EPHA8: variants seen among roughly 807,000 people sequenced by gnomAD.
EPHA8 encodes EPH receptor A8.
EPHA8 carries 58 observed loss-of-function variants against 103.6 expected under a neutral mutation model. The ratio of observed to expected loss-of-function variants is 0.56; its 90% CI spans 0.45 to 0.70. The LOEUF (loss-of-function observed/expected upper bound fraction) is 0.70, where lower values mean the gene tolerates loss of function less well. Among genes scored for constraint, EPHA8 ranks in the 30% least tolerant of loss-of-function variants. The probability of loss-of-function intolerance (pLI) is 0.00; values close to 1 mark genes in which losing one functional copy is unlikely to be tolerated. For missense variants in EPHA8, 1,304 were observed against 1,395.2 expected, an observed-to-expected ratio of 0.93 and a Z score of 1.04; for synonymous variants, 559 against 572.5, an observed-to-expected ratio of 0.98 and a Z score of 0.34.
In EPHA8 at chr1:22,569,463, C is replaced by A; in HGVS notation, c.159+110C>A. 8.3e-7 allele frequency: 1 copy of A among 1,200,360 alleles called. No homozygotes were observed. Among genetic ancestry groups the A allele is most frequent in the South Asian group, 1.5e-5 (1 of 67,030 alleles). 74.4% of individuals were successfully genotyped at this position (1,200,360 alleles called of 1,614,324 possible). A position where few individuals can be genotyped will look rare whatever the true frequency, so the allele number is the denominator to read the frequency against. The stretch of plus-strand genomic sequence containing the variant: ...AAAGGAAGCAGAGGCCCAGAGAGGT[C>A]AAGGGACTTACCCAAGGGCACACAG... On this transcript the variant is annotated intron_variant, in intron 2 of 16. Transcript: ENST00000166244. The surrounding 1 kb of genome is among the most constrained non-coding windows in gnomAD (Gnocchi z 4.5).
rs114242466 is a variant in EPHA8, at chr1:22,567,476, G to A, written c.95-1813G>A. Among the ~76,000 whole-genome samples, 1,195 of 152,172 alleles carry A rather than the reference G, an allele frequency of 7.9e-3. 11 individuals are homozygous for A. The highest frequency in any genetic ancestry group is 0.027 in the African/African-American group (1,121 of 41,514). On this transcript the variant is annotated intron_variant, in intron 1 of 16. Coordinates refer to ENST00000166244, the MANE Select transcript of EPHA8 (RefSeq NM_020526.5). This position sits in a 1 kb window ranked among gnomAD's most constrained non-coding sequence, Gnocchi z 4.2. Reference sequence around the variant, plus strand: ...GTGGGGCCGGCTTGGGGAGGGGGAGGTCCCTCTGCGGACATTCGCTGTGTC... The same window carrying A: ...GTGGGGCCGGCTTGGGGAGGGGGAGATCCCTCTGCGGACATTCGCTGTGTC...
chr1:22,598,172 CTG>C lies in EPHA8; in HGVS notation c.2139_2140del (p.Glu714ValfsTer55). The stretch of plus-strand genomic sequence containing the variant: ...CCAGGCCGCCTGGCAATGATTGTGA[CTG>C]AGTACATGGAGAACGGCTCTCTGGA... On this transcript the variant is annotated frameshift_variant, in exon 12 of 17. Transcript: ENST00000166244. LOFTEE classifies it high-confidence loss of function. The surrounding 1 kb of genome is among the most constrained non-coding windows in gnomAD (Gnocchi z 5.1). 1 of 1,613,484 alleles carries C rather than the reference CTG, an allele frequency of 6.2e-7. No individual in the cohort carries two copies. The highest frequency in any genetic ancestry group is 8.5e-7 in the Non-Finnish European group (1 of 1,179,956).
At chr1:22,591,810 G>A (rs899945128) in intron 5 of EPHA8, among the ~76,000 whole-genome samples, 1 of 152,160 alleles carries the variant, frequency 6.6e-6, no homozygotes, top group Non-Finnish European at 1.5e-5. Flanking sequence ...ACATTCCTAT[G>A]CCTGGCTCCT....
In EPHA8 at chr1:22,569,659, C is replaced by T. The variant is rs1428396216; in HGVS notation, c.159+306C>T. 6.6e-6 allele frequency among the ~76,000 whole-genome samples: 1 copy of T among 152,144 alleles called. No homozygotes were observed. Among genetic ancestry groups the T allele is most frequent in the Non-Finnish European group, 1.5e-5 (1 of 68,016 alleles). ...GTGCCAGGCCAGGACTAAAGAAGGC[C>T]AGCCAGGCCTTCCTGCCTTCTGGGT... On this transcript the variant is annotated intron_variant, in intron 2 of 16. Transcript: ENST00000166244. The surrounding 1 kb of genome is among the most constrained non-coding windows in gnomAD (Gnocchi z 4.5).
chr1:22,570,529 A>G (rs140533638), intron 2 of EPHA8, among the ~76,000 whole-genome samples: 2 of 152,378 alleles, frequency 1.3e-5, no homozygotes, highest in Non-Finnish European at 2.9e-5. Flanking sequence ...TGATAACGAC[A>G]CCAACAGGTA....
chr1:22,603,389 TCCTC>T lies in EPHA8; in HGVS notation c.*1651_*1654del, dbSNP rs1310638951. The T allele has an allele frequency of 1.3e-5, 2 of 152,094 alleles. No homozygotes were observed. Among genetic ancestry groups the T allele is most frequent in the East Asian group, 3.9e-4 (2 of 5,156 alleles). The allele number at this position is 152,094 out of a possible 1,614,324, so 9.4% of individuals were successfully genotyped here. A position where few individuals can be genotyped will look rare whatever the true frequency, so the allele number is the denominator to read the frequency against. On this transcript the variant is annotated 3_prime_UTR_variant, in exon 17 of 17. Transcript: ENST00000166244. ...ACGATCTGGGGGGGGGATCCTGTCT[TCCTC>T]CCCACCCCACCCCACTCTTACCCAA...
intron 3 of EPHA8, among the ~76,000 whole-genome samples, chr1:22,583,114 C>G (rs1338917140): frequency 6.6e-6 from 1 of 152,222 alleles, no homozygotes; most frequent in East Asian, 1.9e-4. Context: ...GGGCAAGGTG[C>G]CCTCAGCAGG....
Position 22,600,787 on chromosome 1 carries a change from T to A in EPHA8, c.2515T>A (p.Tyr839Asn), listed in dbSNP as rs1162167276. 1.9e-6 allele frequency: 3 copies of A among 1,609,686 alleles called. No individual in the cohort carries two copies. Among genetic ancestry groups the A allele is most frequent in the Non-Finnish European group, 2.5e-6 (3 of 1,177,698 alleles). The change falls in exon 14 of 17, where the codon TAC becomes AAC. Residue 839 changes from tyrosine (Y) to asparagine (N), a missense_variant. Coordinates refer to ENST00000166244, the MANE Select transcript of EPHA8 (RefSeq NM_020526.5). ...GGTGCTGGCCTATGGGGAGCGGCCCTACTGGAACATGACCAACCGGGATGT... is the reference window on the plus strand; with the variant it reads ...GGTGCTGGCCTATGGGGAGCGGCCCAACTGGAACATGACCAACCGGGATGT... ...WEVLAYGERP[Y>N]WNMTNRDVIS...
chr1:22,602,135 G>A lies in EPHA8; in HGVS notation c.*394G>A, dbSNP rs532426773. 1.5e-4 allele frequency: 43 copies of A among 295,712 alleles called. No homozygotes were observed. Among genetic ancestry groups the A allele is most frequent in the Admixed American group, 5.2e-4 (10 of 19,118 alleles). 18.3% of individuals were successfully genotyped at this position (295,712 alleles called of 1,614,324 possible). On this transcript the variant is annotated 3_prime_UTR_variant, in exon 17 of 17. Coordinates refer to ENST00000166244, the MANE Select transcript of EPHA8 (RefSeq NM_020526.5). Reference sequence around the variant, plus strand: ...TGTGATCAAGTGTGTCCACCCCTTCGGGTCTCAGCATGGACGTGTGCATGT... The same window carrying A: ...TGTGATCAAGTGTGTCCACCCCTTCAGGTCTCAGCATGGACGTGTGCATGT...
At chr1:22,595,012 G>T (rs970727820) in intron 7 of EPHA8, among the ~76,000 whole-genome samples, 15 of 152,154 alleles carry the variant, frequency 9.9e-5, no homozygotes, top group Non-Finnish European at 1.9e-4. Context: ...TAGGAAGCTG[G>T]GCATCCAGGT....
Position 22,589,267 on chromosome 1 carries a change from C to A in EPHA8, c.1315+61C>A, listed in dbSNP as rs752807373. 6.2e-6 allele frequency: 10 copies of A among 1,614,068 alleles called. No individual in the cohort carries two copies. The highest frequency in any genetic ancestry group is 8.5e-6 in the Non-Finnish European group (10 of 1,180,032). ...CCCCCAGCTTCCCCTGCCTCAGACCCATCCAGGGATCAGAGCTCTGCCGGG... is the reference window on the plus strand; with the variant it reads ...CCCCCAGCTTCCCCTGCCTCAGACCAATCCAGGGATCAGAGCTCTGCCGGG... On this transcript the variant is annotated intron_variant, in intron 5 of 16. Transcript: ENST00000166244. This position sits in a 1 kb window ranked among gnomAD's most constrained non-coding sequence, Gnocchi z 4.3.
chr1:22,593,715 G>A (rs1438099872), intron 7 of EPHA8, 29 bp downstream of exon 7: 1 of 1,537,204 alleles, frequency 6.5e-7, no homozygotes, highest in East Asian at 2.4e-5. Context: ...CGTGGGCGCG[G>A]AGCAGCCCAG....
intron 3 of EPHA8, among the ~76,000 whole-genome samples, chr1:22,579,676 C>T (rs1345612803): frequency 1.3e-5 from 2 of 152,072 alleles, no homozygotes; most frequent in African/African-American, 4.8e-5. Flanking sequence ...GTGGCTCAGC[C>T]CCCCGGGCAC....
rs1183213939 is a variant in EPHA8 at position 22,567,320 on chromosome 1, A to C, written c.95-1969A>C. Among the ~76,000 whole-genome samples the C allele has an allele frequency of 6.6e-6, 1 of 152,058 alleles. No homozygotes were observed. The highest frequency in any genetic ancestry group is 1.5e-5 in the Non-Finnish European group (1 of 67,994). On this transcript the variant is annotated intron_variant, in intron 1 of 16. Transcript: ENST00000166244. The surrounding 1 kb of genome is among the most constrained non-coding windows in gnomAD (Gnocchi z 4.2). ...AACTCGGCTTTGCTGGTCTGGGGGAAACTGCAGTGCGGCCCCCTCCCCCTC... is the reference window on the plus strand; with the variant it reads ...AACTCGGCTTTGCTGGTCTGGGGGACACTGCAGTGCGGCCCCCTCCCCCTC...
chr1:22,593,484 G>T, intron 6 of EPHA8, 34 bp downstream of exon 6: 2 of 1,609,652 alleles, frequency 1.2e-6, no homozygotes, highest in Non-Finnish European at 1.7e-6. Flanking sequence ...GAGGGGCTGG[G>T]CCAGCAGGGC....
chr1:22,599,330 C>T (rs1345894566), intron 13 of EPHA8, among the ~76,000 whole-genome samples: 4 of 152,278 alleles, frequency 2.6e-5, no homozygotes, highest in South Asian at 4.1e-4. Flanking sequence ...GGAATCTCCC[C>T]GAATTGTACC....
At chr1:22,573,444 G>T (rs766035763) in intron 2 of EPHA8, among the ~76,000 whole-genome samples, 5 of 152,178 alleles carry the variant, frequency 3.3e-5, no homozygotes, top group Admixed American at 2.0e-4. Flanking sequence ...AGATGGAGGG[G>T]CTTGGGATGG....
Position 22,595,282 on chromosome 1 carries a change from G to A in EPHA8, c.1656G>A (p.Thr552=), listed in dbSNP as rs764019919. ...TCTGGATCTGCCTGACGCTCATCAC[G>A]GGCCTGGTGGTGCTTCTGCTCCTGC... ...TIVWICLTLI[T]GLVVLLLLLI... The change falls in exon 8 of 17, where the codon ACG becomes ACA. Residue 552 remains threonine, a synonymous_variant. Coordinates refer to ENST00000166244, the MANE Select transcript of EPHA8 (RefSeq NM_020526.5). 16 of 1,613,848 alleles carry A rather than the reference G, an allele frequency of 9.9e-6. No homozygotes were observed. Among genetic ancestry groups the A allele is most frequent in the Non-Finnish European group, 1.4e-5 (16 of 1,179,894 alleles).
At position 22,601,730 on chromosome 1, in the gene EPHA8, C is replaced by G. The variant is rs370302532; in HGVS notation, c.3007C>G (p.Arg1003Gly). Residue 1003 changes from arginine (R) to glycine (G), a missense_variant, in exon 17 of 17, where the codon CGG (arginine) becomes GGG (glycine). Physicochemically the swap from Arg to Gly is moderately radical, Grantham distance 125. Transcript: ENST00000166244. Reference protein sequence around the residue: ...AQLTSTQGPRRHL With the variant: ...AQLTSTQGPRGHL ...GCTGACCAGCACCCAGGGGCCCCGC[C>G]GGCACCTCTGATGTACAGCCAGCAG... The G allele has an allele frequency of 6.4e-7, 1 of 1,560,434 alleles. No homozygotes were observed. The highest frequency in any genetic ancestry group is 1.4e-5 in the African/African-American group (1 of 73,308).
Sources: allele counts gnomAD v4.1 joint callset (sites outside exome capture counted in the v4.1 genomes callset), GRCh38; gene constraint gnomAD v4.1.1; non-coding constraint Gnocchi (gnomAD v3.1); transcripts MANE v1.5; gene names NCBI Gene and HGNC (gene_info 2026-07-23, HGNC 2026-07-21).